The following MALRD1 variants were observed in gnomAD, a reference collection of about 807,000 sequenced individuals.
The protein encoded by MALRD1 is MAM and LDL receptor class A domain containing 1, also known as MAM and LDL-receptor class A domain-containing protein 1.
MALRD1 carries 247 observed loss-of-function variants against 242.1 expected under a neutral mutation model. That is an observed-to-expected ratio of 1.02 (90% CI 0.92 to 1.13). MALRD1 has a LOEUF of 1.13. MALRD1 is among the 50% of genes most tolerant of loss of function. The pLI, the probability that MALRD1 is intolerant of heterozygous loss-of-function variation, is 0.00. For synonymous variants in MALRD1, 995 were observed against 866.6 expected, an observed-to-expected ratio of 1.15 and a Z score of -2.60; for missense variants, 2,989 against 2,533.1, an observed-to-expected ratio of 1.18 and a Z score of -3.86.
chr10:19,171,970 GTGATATATATCATA>G (rs1835002616), intron 13 of MALRD1, among the ~76,000 whole-genome samples: 1 of 32,172 alleles, frequency 3.1e-5, no homozygotes, highest in South Asian at 1.1e-3. Flanking sequence ...TCACATATAT[GTGATATATATCATA>G]TAATATATGT....
At chr10:19,673,051 A>G (rs986522635) in intron 36 of MALRD1, among the ~76,000 whole-genome samples, 6 of 151,946 alleles carry the variant, frequency 3.9e-5, no homozygotes, top group African/African-American at 9.7e-5. Context: ...CTATATTTTT[A>G]CTTCTCTCCC....
rs544663536 is a variant in MALRD1, at chr10:19,703,443, C to T, written c.6314+10889C>T. On this transcript the variant is annotated intron_variant, in intron 38 of 39. Coordinates refer to ENST00000454679, the MANE Select transcript of MALRD1 (RefSeq NM_001142308.3). ...AAAAAGAAGTCATCATGAAAGATCT[C>T]TGAAAGCTGTCTTCTACATCTATCC... Among the ~76,000 whole-genome samples the T allele has an allele frequency of 3.5e-4, 54 of 152,300 alleles. 1 individual carries two copies. The highest frequency in any genetic ancestry group is 1.3e-3 in the African/African-American group (54 of 41,574).
intron 18 of MALRD1, among the ~76,000 whole-genome samples, chr10:19,228,822 G>C (rs1307615196): frequency 6.6e-6 from 1 of 151,972 alleles, no homozygotes; most frequent in African/African-American, 2.4e-5. Flanking sequence ...TACTATAAAG[G>C]ATATACCAAA....
At chr10:19,692,240 A>T in intron 36 of MALRD1, 42 bp from the exon 37 acceptor site, 1 of 1,411,358 alleles carries the variant, frequency 7.1e-7, no homozygotes, top group Non-Finnish European at 9.6e-7. Flanking sequence ...ATATCTTTTC[A>T]CTTTTCTTTT....
chr10:19,538,762 G>C (rs575541075), intron 32 of MALRD1, among the ~76,000 whole-genome samples: 21 of 151,140 alleles, frequency 1.4e-4, no homozygotes, highest in Non-Finnish European at 2.8e-4. Flanking sequence ...TAATATTTTT[G>C]TAATTTATAT....
chr10:19,355,779 C>T (rs1844599715), intron 26 of MALRD1, among the ~76,000 whole-genome samples: 1 of 146,130 alleles, frequency 6.8e-6, no homozygotes, highest in Admixed American at 7.0e-5. Context: ...TCTGAAACAC[C>T]TTAACTTCAC....
rs562524665 is a variant in MALRD1, at chr10:19,630,214, G to T, written c.6137+14291G>T. On this transcript the variant is annotated intron_variant, in intron 36 of 39. Transcript: ENST00000454679. ...ACTGGTTTATGTTCCTAAGTTTAAG[G>T]TTAAATTATGACTATTCATGATCAG... Among the ~76,000 whole-genome samples, 3 of 152,220 alleles carry T rather than the reference G, an allele frequency of 2.0e-5. No homozygotes were observed. In the South Asian group the frequency reaches 6.2e-4, roughly 32 times the overall value.
intron 26 of MALRD1, among the ~76,000 whole-genome samples, chr10:19,377,319 A>G (rs142110169): frequency 1.2e-4 from 18 of 152,314 alleles, no homozygotes; most frequent in African/African-American, 4.3e-4. Flanking sequence ...AGTAAAAAAT[A>G]ATATAACATT....
intron 19 of MALRD1, among the ~76,000 whole-genome samples, chr10:19,276,934 TG>T (rs1048137239): frequency 2.0e-5 from 3 of 150,438 alleles, no homozygotes; most frequent in African/African-American, 7.3e-5. Flanking sequence ...GGTTGGGGGG[TG>T]GGAAGGTGGG....
intron 21 of MALRD1, among the ~76,000 whole-genome samples, chr10:19,292,080 CA>C (rs756211363): frequency 0.39 from 34,255 of 87,352 alleles, 3,210 homozygotes; most frequent in East Asian, 0.54. Context: ...AAGACCGTCT[CA>C]AAAAAAAAAA....
At chr10:19,179,461 C>G (rs1835403100) in intron 14 of MALRD1, among the ~76,000 whole-genome samples, 1 of 151,936 alleles carries the variant, frequency 6.6e-6, no homozygotes, top group Non-Finnish European at 1.5e-5. Flanking sequence ...ACCAGCCTGG[C>G]CAACATCACA....
Position 19,327,671 on chromosome 10 carries a change from C to G in MALRD1, c.3685C>G (p.Gln1229Glu). ...GTTTTTAGGCATTCGTTCACATACA[C>G]AGGTGTGTAATACAGGTAGTTATGG... ...EVFLGIRSHT[Q>E]IVFRAKRGIS... The change falls in exon 23 of 40, where the codon CAG becomes GAG. Residue 1229 changes from glutamine (Q) to glutamate (E), a missense_variant and splice_region_variant. Physicochemically the swap from Gln to Glu is conservative, Grantham distance 29. Transcript: ENST00000454679. The G allele has an allele frequency of 6.5e-7, 1 of 1,546,788 alleles. No individual in the cohort carries two copies. Among genetic ancestry groups the G allele is most frequent in the East Asian group, 2.4e-5 (1 of 40,892 alleles).
chr10:19,598,847 A>T (rs1202302534), intron 34 of MALRD1, among the ~76,000 whole-genome samples: 1 of 152,110 alleles, frequency 6.6e-6, no homozygotes, highest in African/African-American at 2.4e-5. Flanking sequence ...AGACACTGAG[A>T]AGATGTGGTC....
chr10:19,541,478 C>T (rs759990663), intron 32 of MALRD1, among the ~76,000 whole-genome samples: 1 of 152,082 alleles, frequency 6.6e-6, no homozygotes, highest in African/African-American at 2.4e-5. Flanking sequence ...CTCATCCTGG[C>T]ACATTGAAAT....
chr10:19,065,322 G>GGA (rs1834944129), intron 1 of MALRD1, among the ~76,000 whole-genome samples: 40 of 132,622 alleles, frequency 3.0e-4, no homozygotes, highest in African/African-American at 1.2e-3. Context: ...AAGAAAGAAA[G>GGA]AGAAAGAAAG....
intron 28 of MALRD1, among the ~76,000 whole-genome samples, chr10:19,430,312 G>A (rs191958315): frequency 6.6e-6 from 1 of 151,284 alleles, no homozygotes; most frequent in Non-Finnish European, 1.5e-5. Context: ...TAGACATGGG[G>A]CTTCACTGTG....
intron 17 of MALRD1, among the ~76,000 whole-genome samples, chr10:19,207,157 A>G (rs369461065): frequency 7.8e-4 from 119 of 152,334 alleles, no homozygotes; most frequent in African/African-American, 2.7e-3. Flanking sequence ...CATTACTAAC[A>G]TGAATAAAGG....
At chr10:19,534,139 A>G (rs934948517) in intron 32 of MALRD1, among the ~76,000 whole-genome samples, 1 of 152,204 alleles carries the variant, frequency 6.6e-6, no homozygotes. Context: ...TTTCTGCACC[A>G]GTAGAATTCT....
intron 10 of MALRD1, among the ~76,000 whole-genome samples, chr10:19,142,190 AAAAAAAAGTGG>A (rs1833572382): frequency 6.6e-6 from 1 of 150,806 alleles, no homozygotes; most frequent in Middle Eastern, 3.5e-3. Context: ...AAAAAAAAAA[AAAAAAAAGTGG>A]AATGCTAAAA....
Sources: allele counts gnomAD v4.1 joint callset (sites outside exome capture counted in the v4.1 genomes callset), GRCh38; gene constraint gnomAD v4.1.1; transcripts MANE v1.5; gene names NCBI Gene and HGNC (gene_info 2026-07-23, HGNC 2026-07-21).